SSBP2: variants seen among roughly 807,000 people sequenced by gnomAD.
The protein encoded by SSBP2 is single stranded DNA binding protein 2.
Under a neutral mutation model 61.8 loss-of-function variants are expected in SSBP2, and 17 were observed. That is an observed-to-expected ratio of 0.28 (90% CI 0.19 to 0.41). SSBP2 has a LOEUF of 0.41. SSBP2 is among the 10% of genes least tolerant of loss of function. The probability of loss-of-function intolerance (pLI) is 1.00; values close to 1 mark genes in which losing one functional copy is unlikely to be tolerated. For synonymous variants in SSBP2, 139 were observed against 141.3 expected (o/e 0.98, Z 0.12); for missense variants, 310 against 458.7 (o/e 0.68, Z 2.96).
chr5:81,459,820 A>C (rs910476268), intron 10 of SSBP2, among the ~76,000 whole-genome samples: 1 of 152,208 alleles, frequency 6.6e-6, no homozygotes, highest in African/African-American at 2.4e-5. Context: ...AAAGCATGTA[A>C]GCAAATGAAA....
At chr5:81,577,207 G>A (rs904885604) in intron 4 of SSBP2, among the ~76,000 whole-genome samples, 17 of 151,988 alleles carry the variant, frequency 1.1e-4, no homozygotes, top group African/African-American at 1.4e-4. Flanking sequence ...AGAGTTTAAC[G>A]GTAGTATTTT....
chr5:81,692,221 A>T (rs1462713460), intron 1 of SSBP2, among the ~76,000 whole-genome samples: 3 of 152,194 alleles, frequency 2.0e-5, no homozygotes, highest in African/African-American at 7.2e-5. Flanking sequence ...AACAATGAAC[A>T]ATCTGAAAAA....
chr5:81,587,816 A>C (rs866957713), intron 4 of SSBP2, among the ~76,000 whole-genome samples: 2 of 152,040 alleles, frequency 1.3e-5, no homozygotes, highest in African/African-American at 2.4e-5. Context: ...CTGAGATGTA[A>C]GATAGCGAAA....
intron 12 of SSBP2, among the ~76,000 whole-genome samples, chr5:81,444,929 C>A (rs1254102109): frequency 1.3e-5 from 2 of 150,984 alleles, no homozygotes; most frequent in Non-Finnish European, 2.9e-5. Flanking sequence ...TCCAGACCAG[C>A]CTTGCCAACA....
intron 4 of SSBP2, among the ~76,000 whole-genome samples, chr5:81,565,847 A>G (rs1330425038): frequency 6.6e-6 from 1 of 152,196 alleles, no homozygotes; most frequent in Non-Finnish European, 1.5e-5. Flanking sequence ...ATAGCTTCTC[A>G]CATGTTCAAA....
intron 6 of SSBP2, among the ~76,000 whole-genome samples, chr5:81,486,334 A>G (rs1311725836): frequency 6.6e-6 from 1 of 152,166 alleles, no homozygotes; most frequent in African/African-American, 2.4e-5. Context: ...CAAAGTGTTC[A>G]TTTTGTTAGT....
At chr5:81,490,293 C>G (rs1192239908) in intron 5 of SSBP2, among the ~76,000 whole-genome samples, 2 of 151,860 alleles carry the variant, frequency 1.3e-5, no homozygotes, top group African/African-American at 4.8e-5. Context: ...TATTTTTGAT[C>G]ATCCAGACTT....
Position 81,660,639 on chromosome 5 carries a change from C to A in SSBP2, c.63-10300G>T, listed in dbSNP as rs568696689. Among the ~76,000 whole-genome samples the A allele has an allele frequency of 1.2e-3, 190 of 152,268 alleles. 1 individual carries two copies. Among genetic ancestry groups the A allele is most frequent in the Admixed American group, 2.5e-3 (38 of 15,304 alleles). Reference sequence around the variant, plus strand: ...CTAGAACCAGAAATACCATGTGACCCAGCAATCCCATTACTGGGTATATAC... The same window carrying A: ...CTAGAACCAGAAATACCATGTGACCAAGCAATCCCATTACTGGGTATATAC... On this transcript the variant is annotated intron_variant, in intron 1 of 16. Transcript: ENST00000320672.
At position 81,743,306 on chromosome 5, in the gene SSBP2, A is replaced by G. The variant is rs931350746; in HGVS notation, c.62+7675T>C. Among the ~76,000 whole-genome samples the G allele has an allele frequency of 8.5e-5, 13 of 152,272 alleles. 1 individual carries two copies. The highest frequency in any genetic ancestry group is 7.8e-4 in the Admixed American group (12 of 15,290). On this transcript the variant is annotated intron_variant, in intron 1 of 16. Transcript: ENST00000320672. Reference sequence around the variant, plus strand: ...ATAGTAGCTTAGACATGCCTGAAATACTGTAACCTGGTCTTTCTATGGCTG... The same window carrying G: ...ATAGTAGCTTAGACATGCCTGAAATGCTGTAACCTGGTCTTTCTATGGCTG...
At chr5:81,681,900 T>C (rs770753583) in intron 1 of SSBP2, among the ~76,000 whole-genome samples, 1 of 152,144 alleles carries the variant, frequency 6.6e-6, no homozygotes, top group Non-Finnish European at 1.5e-5. Flanking sequence ...ACAGATCCCA[T>C]GGATATTAAA....
At chr5:81,455,621 G>A (rs1202610100) in intron 10 of SSBP2, among the ~76,000 whole-genome samples, 6 of 15,410 alleles carry the variant, frequency 3.9e-4, no homozygotes, top group East Asian at 3.5e-3. Flanking sequence ...GCGAGACTCC[G>A]TCTCAAAAAA....
chr5:81,674,319 TA>T (rs1157421931), intron 1 of SSBP2, among the ~76,000 whole-genome samples: 1 of 152,164 alleles, frequency 6.6e-6, no homozygotes, highest in African/African-American at 2.4e-5. Context: ...TCTCACCACA[TA>T]CCCCTCCACT....
chr5:81,539,760 T>A (rs145875540), intron 4 of SSBP2, among the ~76,000 whole-genome samples: 1 of 152,152 alleles, frequency 6.6e-6, no homozygotes, highest in Non-Finnish European at 1.5e-5. Context: ...ATTTTTTTAT[T>A]ATACTTTAAG....
chr5:81,698,701 G>A (rs1376476941), intron 1 of SSBP2, among the ~76,000 whole-genome samples: 3 of 152,074 alleles, frequency 2.0e-5, no homozygotes, highest in Non-Finnish European at 4.4e-5. Flanking sequence ...CCAGCTACTC[G>A]GGAGGCTGAG....
At chr5:81,477,229 T>C (rs773800025) in intron 6 of SSBP2, among the ~76,000 whole-genome samples, 2 of 152,220 alleles carry the variant, frequency 1.3e-5, no homozygotes, top group Non-Finnish European at 2.9e-5. Flanking sequence ...TGCATCATTT[T>C]TAGGCTCTCT....
intron 12 of SSBP2, chr5:81,443,341 T>C (rs1281001457): frequency 6.6e-6 from 1 of 152,198 alleles, no homozygotes; most frequent in African/African-American, 2.4e-5. Context: ...CTGTACTGCA[T>C]ATCCATATAA....
At chr5:81,651,717 T>C (rs1391347496) in intron 1 of SSBP2, among the ~76,000 whole-genome samples, 1 of 152,102 alleles carries the variant, frequency 6.6e-6, no homozygotes, top group Non-Finnish European at 1.5e-5. Context: ...TCACCCAAAG[T>C]ACATCATAAG....
chr5:81,717,242 G>A (rs1259201497), intron 1 of SSBP2, among the ~76,000 whole-genome samples: 2 of 152,124 alleles, frequency 1.3e-5, no homozygotes, highest in Non-Finnish European at 2.9e-5. Context: ...CCAGGACAAA[G>A]AGCAGCCTTG....
intron 10 of SSBP2, among the ~76,000 whole-genome samples, chr5:81,459,557 A>G (rs1453069536): frequency 6.6e-6 from 1 of 152,108 alleles, no homozygotes; most frequent in Non-Finnish European, 1.5e-5. Context: ...AGTTAAGGTG[A>G]GCCATTGGTT....
Sources: gnomAD v4.1 joint callset for allele counts (sites outside exome capture counted in the v4.1 genomes callset) on GRCh38, gnomAD v4.1.1 for gene constraint, MANE v1.5 for transcripts, NCBI Gene and HGNC (gene_info 2026-07-23, HGNC 2026-07-21) for gene names.